Variants in GPC6 observed in about 807,000 individuals in gnomAD.
The protein encoded by GPC6 is glypican-6.
A neutral mutation model predicts 55.2 loss-of-function variants in GPC6; 14 were observed. That is an observed-to-expected ratio of 0.25 (90% CI 0.17 to 0.40). GPC6 has a LOEUF of 0.40. Ranked by LOEUF, GPC6 falls within the 10% of genes least tolerant of loss-of-function variation. GPC6 has a pLI of 1.00. For synonymous variants in GPC6, 278 were observed against 259.6 expected (o/e 1.07, Z -0.68); for missense variants, 641 against 708.5 (o/e 0.90, Z 1.08).
intron 2 of GPC6, among the ~76,000 whole-genome samples, chr13:93,742,573 T>C (rs937032511): frequency 6.6e-6 from 1 of 152,224 alleles, no homozygotes; most frequent in Non-Finnish European, 1.5e-5. Context: ...TTGTATCTGA[T>C]GGAACAGTTG....
chr13:93,321,902 A>G (rs1190522700), intron 1 of GPC6, among the ~76,000 whole-genome samples: 1 of 152,152 alleles, frequency 6.6e-6, no homozygotes, highest in East Asian at 1.9e-4. Context: ...GGTTACATCT[A>G]GAAGTACAGA....
At chr13:94,043,789 G>A (rs1424757710) in intron 4 of GPC6, among the ~76,000 whole-genome samples, 1 of 151,730 alleles carries the variant, frequency 6.6e-6, no homozygotes, top group Non-Finnish European at 1.5e-5. Flanking sequence ...ATATTGACCA[G>A]CGAGAGCACA....
At chr13:94,372,683 C>A (rs1447303854) in intron 6 of GPC6, among the ~76,000 whole-genome samples, 2 of 152,212 alleles carry the variant, frequency 1.3e-5, no homozygotes, top group African/African-American at 4.8e-5. Flanking sequence ...ACAAAGCAGC[C>A]TGGAAGCTCG....
intron 2 of GPC6, among the ~76,000 whole-genome samples, chr13:93,620,440 C>A (rs1268746780): frequency 6.6e-6 from 1 of 152,152 alleles, no homozygotes; most frequent in Admixed American, 6.6e-5. Context: ...TTCATTTCCT[C>A]TCTGGTATTA....
intron 1 of GPC6, among the ~76,000 whole-genome samples, chr13:93,278,384 T>C (rs1366964740): frequency 2.0e-5 from 3 of 152,252 alleles, no homozygotes; most frequent in African/African-American, 7.2e-5. Context: ...CAGAATTTCA[T>C]CTTGCACAGC....
chr13:93,983,774 A>G (rs1880906892), intron 3 of GPC6, among the ~76,000 whole-genome samples: 2 of 116,310 alleles, frequency 1.7e-5, no homozygotes, highest in Non-Finnish European at 3.5e-5. Context: ...TAAGTTTTTC[A>G]TATTTTTGTT....
intron 3 of GPC6, among the ~76,000 whole-genome samples, chr13:93,857,711 A>G (rs552460165): frequency 6.6e-6 from 1 of 151,724 alleles, no homozygotes; most frequent in African/African-American, 2.4e-5. Context: ...AAATGCGTTA[A>G]AGCAAAGGGC....
chr13:94,321,272 T>G (rs1200822324), intron 6 of GPC6, among the ~76,000 whole-genome samples: 1 of 152,226 alleles, frequency 6.6e-6, no homozygotes, highest in African/African-American at 2.4e-5. Context: ...CTGCGTAGTA[T>G]TTCATGGTGT....
intron 1 of GPC6, among the ~76,000 whole-genome samples, chr13:93,335,389 A>T (rs1880010808): frequency 6.6e-6 from 1 of 152,210 alleles, no homozygotes; most frequent in South Asian, 2.1e-4. Context: ...TGGGTATCCC[A>T]ACAACATTTT....
At chr13:93,683,442 G>A (rs1033433903) in intron 2 of GPC6, among the ~76,000 whole-genome samples, 3 of 152,002 alleles carry the variant, frequency 2.0e-5, no homozygotes, top group African/African-American at 4.8e-5. Context: ...GACTTCATTT[G>A]TATTTAATAA....
At chr13:94,102,050 G>T (rs1372119615) in intron 4 of GPC6, among the ~76,000 whole-genome samples, 1 of 151,832 alleles carries the variant, frequency 6.6e-6, no homozygotes, top group Non-Finnish European at 1.5e-5. Flanking sequence ...ATATTAAAAG[G>T]TACACATAAT....
chr13:94,270,682 G>A (rs928627109), intron 4 of GPC6, among the ~76,000 whole-genome samples: 1 of 152,184 alleles, frequency 6.6e-6, no homozygotes, highest in African/African-American at 2.4e-5. Flanking sequence ...ATGTAGTTAT[G>A]TCTTTCTGAA....
chr13:93,516,485 T>C (rs767092092), intron 1 of GPC6, among the ~76,000 whole-genome samples: 1 of 152,028 alleles, frequency 6.6e-6, no homozygotes, highest in South Asian at 2.1e-4. Flanking sequence ...ACAGGTACAA[T>C]TGGAAACAAG....
intron 2 of GPC6, among the ~76,000 whole-genome samples, chr13:93,775,588 A>G (rs1031124379): frequency 6.6e-6 from 1 of 152,216 alleles, no homozygotes; most frequent in Non-Finnish European, 1.5e-5. Context: ...ATAAGCACGT[A>G]TATTTGGTCA....
chr13:93,377,986 A>G (rs1356712417), intron 1 of GPC6, among the ~76,000 whole-genome samples: 2 of 152,206 alleles, frequency 1.3e-5, no homozygotes, highest in African/African-American at 4.8e-5. Flanking sequence ...ATATTTGTGA[A>G]ATAGCACTGT....
chr13:94,143,324 C>A (rs764806642), intron 4 of GPC6, among the ~76,000 whole-genome samples: 29 of 152,026 alleles, frequency 1.9e-4, no homozygotes, highest in Non-Finnish European at 3.1e-4. Flanking sequence ...GTGAGAGAAT[C>A]ATTCATAGGT....
chr13:93,966,431 G>A (rs1880046664), intron 3 of GPC6, among the ~76,000 whole-genome samples: 3 of 152,120 alleles, frequency 2.0e-5, no homozygotes. Flanking sequence ...CCAGACCTCT[G>A]CTTTTGAGCA....
intron 3 of GPC6, among the ~76,000 whole-genome samples, chr13:93,924,606 G>A (rs542917389): frequency 6.6e-6 from 1 of 151,972 alleles, no homozygotes; most frequent in South Asian, 2.1e-4. Flanking sequence ...CAGGATAACA[G>A]CTTTTATTCT....
intron 2 of GPC6, among the ~76,000 whole-genome samples, chr13:93,620,126 A>AT (rs1878887064): frequency 6.6e-6 from 1 of 152,156 alleles, no homozygotes; most frequent in African/African-American, 2.4e-5. Context: ...GCCAGACTTT[A>AT]TATTGTTTTT....
Sources: allele counts gnomAD v4.1 joint callset (sites outside exome capture counted in the v4.1 genomes callset), GRCh38; gene constraint gnomAD v4.1.1; transcripts MANE v1.5; gene names NCBI Gene and HGNC (gene_info 2026-07-23, HGNC 2026-07-21).